Variants in C3orf20 observed in about 807,000 individuals in gnomAD.
The protein encoded by C3orf20 is uncharacterized protein C3orf20.
Under a neutral mutation model 88.3 loss-of-function variants are expected in C3orf20, and 76 were observed. The observed-to-expected ratio is 0.86, with a 90% CI of 0.72 to 1.04. The LOEUF (loss-of-function observed/expected upper bound fraction) is 1.04. C3orf20 is among the 50% of genes least tolerant of loss of function. C3orf20 has a pLI of 0.00. For synonymous variants in C3orf20, 436 were observed against 437.4 expected, an observed-to-expected ratio of 1.00 and a Z score of 0.04; for missense variants, 1,056 against 1,123.3, an observed-to-expected ratio of 0.94 and a Z score of 0.86.
In C3orf20 at chr3:14,684,387, G is replaced by A; in HGVS notation, c.625+5G>A. On this transcript the variant is annotated splice_donor_5th_base_variant and intron_variant, in intron 4 of 16. Transcript: ENST00000253697. ...GCAGCGGACAGTTGTGGAAAGGTGG[G>A]TACCTGAGCTTCAACCCTTAGGTAA... 6.2e-7 allele frequency: 1 copy of A among 1,613,316 alleles called. No homozygotes were observed. The highest frequency in any genetic ancestry group is 8.5e-7 in the Non-Finnish European group (1 of 1,179,684).
intron 15 of C3orf20, among the ~76,000 whole-genome samples, chr3:14,763,188 C>A (rs776172812): frequency 6.6e-6 from 1 of 152,272 alleles, no homozygotes; most frequent in Middle Eastern, 3.4e-3. Context: ...CAAAGAGGAC[C>A]AGCAAGGGCA....
chr3:14,736,658 C>G (rs1032761344), intron 12 of C3orf20, among the ~76,000 whole-genome samples: 1 of 151,550 alleles, frequency 6.6e-6, no homozygotes, highest in Non-Finnish European at 1.5e-5. Context: ...CCTCCACTTC[C>G]CAGGTTCAAG....
chr3:14,760,857 C>G (rs867497831), intron 14 of C3orf20, among the ~76,000 whole-genome samples: 2 of 152,078 alleles, frequency 1.3e-5, no homozygotes, highest in Non-Finnish European at 2.9e-5. Context: ...ATCCGCCCAC[C>G]TTGACCTCCC....
intron 7 of C3orf20, among the ~76,000 whole-genome samples, chr3:14,712,089 T>C (rs1022509887): frequency 1.3e-5 from 2 of 152,124 alleles, no homozygotes; most frequent in African/African-American, 2.4e-5. Context: ...ATTTTTAAGA[T>C]GCAGTCATAT....
rs2035104315 is a variant in C3orf20, at chr3:14,747,925, T to A, written c.1941-9446T>A. Among the ~76,000 whole-genome samples, 3 of 152,220 alleles carry A rather than the reference T, an allele frequency of 2.0e-5. No homozygotes were observed. The South Asian group carries it at 6.2e-4, about 32-fold the overall frequency. ...TGGTATTTTGCTGAGAATTTTTACA[T>A]CTATATTAATAAGGGATATTTGTCT... is the stretch of plus-strand genomic sequence containing the variant. On this transcript the variant is annotated intron_variant, in intron 12 of 16. Coordinates refer to ENST00000253697, the MANE Select transcript of C3orf20 (RefSeq NM_032137.5).
chr3:14,748,336 G>T (rs1269609944), intron 12 of C3orf20, among the ~76,000 whole-genome samples: 1 of 151,898 alleles, frequency 6.6e-6, no homozygotes, highest in Admixed American at 6.6e-5. Context: ...TTTTATTTCA[G>T]TAATTTGCAA....
At chr3:14,762,102 C>T (rs552982670) in intron 15 of C3orf20, among the ~76,000 whole-genome samples, 1 of 152,312 alleles carries the variant, frequency 6.6e-6, no homozygotes, top group African/African-American at 2.4e-5. Context: ...GACAGGGTAT[C>T]ACTCTGTTGG....
At chr3:14,704,170 C>G (rs1424638228) in intron 6 of C3orf20, among the ~76,000 whole-genome samples, 167 bp from the exon 7 acceptor site, 1 of 152,154 alleles carries the variant, frequency 6.6e-6, no homozygotes, top group African/African-American at 2.4e-5. Flanking sequence ...CTTCCCAGTT[C>G]TTCCCAAAAA....
intron 15 of C3orf20, among the ~76,000 whole-genome samples, 155 bp downstream of exon 15, chr3:14,761,770 G>A (rs567587941): frequency 1.4e-4 from 22 of 152,198 alleles, no homozygotes; most frequent in Non-Finnish European, 2.6e-4. Context: ...TCCACCTGTG[G>A]CACACACATG....
intron 14 of C3orf20, 121 bp from the exon 15 acceptor site, chr3:14,761,352 G>A (rs1168774098): frequency 8.3e-7 from 1 of 1,201,722 alleles, no homozygotes; most frequent in Non-Finnish European, 1.2e-6. Flanking sequence ...CTGCCTCACG[G>A]CGTAAGCTCT....
chr3:14,772,237 C>A lies in C3orf20; in HGVS notation c.2630+36C>A, dbSNP rs763202342. 3 of 1,613,926 alleles carry A rather than the reference C, an allele frequency of 1.9e-6. No homozygotes were observed. The East Asian group carries it at 6.7e-5, about 36-fold the overall frequency. ...ACATCAGCTGCCAGAATGGGCGTGGCTCACAGCAGGCCACCTCGGGGCTAT... is the reference window on the plus strand; with the variant it reads ...ACATCAGCTGCCAGAATGGGCGTGGATCACAGCAGGCCACCTCGGGGCTAT... On this transcript the variant is annotated intron_variant, in intron 16 of 16. Transcript: ENST00000253697. This position sits in a 1 kb window ranked among gnomAD's most constrained non-coding sequence, Gnocchi z 4.2.
chr3:14,696,042 T>C (rs970530902), intron 5 of C3orf20, among the ~76,000 whole-genome samples: 2 of 152,090 alleles, frequency 1.3e-5, no homozygotes, highest in Non-Finnish European at 2.9e-5. Context: ...TTTTGTGGTC[T>C]TCTCATTCTT....
chr3:14,738,485 C>T (rs1447594587), intron 12 of C3orf20, among the ~76,000 whole-genome samples: 2 of 151,732 alleles, frequency 1.3e-5, no homozygotes, highest in Non-Finnish European at 2.9e-5. Flanking sequence ...CCCGCCACCA[C>T]ACCTGGCTAA....
chr3:14,745,544 A>G (rs1332330677), intron 12 of C3orf20, among the ~76,000 whole-genome samples: 1 of 152,160 alleles, frequency 6.6e-6, no homozygotes, highest in Non-Finnish European at 1.5e-5. Context: ...TGATTAGCCC[A>G]ATCCTTTTTT....
chr3:14,733,944 C>T (rs937509835), intron 12 of C3orf20, among the ~76,000 whole-genome samples: 1 of 152,228 alleles, frequency 6.6e-6, no homozygotes, highest in Non-Finnish European at 1.5e-5. Flanking sequence ...ACCTCGGCCT[C>T]CCAAAGTGCT....
intron 12 of C3orf20, among the ~76,000 whole-genome samples, chr3:14,743,526 A>G (rs574451942): frequency 9.2e-5 from 14 of 152,080 alleles, no homozygotes; most frequent in African/African-American, 3.4e-4. Context: ...CTGGAGGACA[A>G]TGGCCCTCTT....
At chr3:14,676,116 C>T (rs1459257856) in intron 1 of C3orf20, among the ~76,000 whole-genome samples, 5 of 134,096 alleles carry the variant, frequency 3.7e-5, no homozygotes, top group Non-Finnish European at 4.7e-5. Context: ...TCCCCCCCGC[C>T]TTTTTTTTTT....
intron 12 of C3orf20, among the ~76,000 whole-genome samples, chr3:14,735,580 A>G (rs1435631715): frequency 6.6e-6 from 1 of 151,322 alleles, no homozygotes; most frequent in South Asian, 2.1e-4. Flanking sequence ...AAACTATCCC[A>G]TGAGACACTA....
In C3orf20 at chr3:14,684,364, A is replaced by G. The variant is rs921236540; in HGVS notation, c.607A>G (p.Ser203Gly). 6.2e-7 allele frequency: 1 copy of G among 1,614,016 alleles called. No individual in the cohort carries two copies. Among genetic ancestry groups the G allele is most frequent in the African/African-American group, 1.3e-5 (1 of 74,930 alleles). The change falls in exon 4 of 17, where the codon AGC (serine) becomes GGC (glycine). Residue 203 changes from serine (S) to glycine (G), a missense_variant. Ser to Gly is a moderately conservative substitution (Grantham distance 56). Transcript: ENST00000253697. ...CACAGCCGGGAGAAGTGGCTACAGC[A>G]GCGGACAGTTGTGGAAAGGTGGGTA... Reference protein sequence around the residue: ...ISTAGRSGYSSGQLWKESLAN... With the variant: ...ISTAGRSGYSGGQLWKESLAN...
Sources: gnomAD v4.1 joint callset for allele counts (sites outside exome capture counted in the v4.1 genomes callset) on GRCh38, gnomAD v4.1.1 for gene constraint, Gnocchi (gnomAD v3.1) non-coding constraint, MANE v1.5 for transcripts, NCBI Gene and HGNC (gene_info 2026-07-23, HGNC 2026-07-21) for gene names.